PXT1: variants seen among roughly 807,000 people sequenced by gnomAD.
The protein encoded by PXT1 is peroxisomal testis enriched protein 1.
In PXT1, 11 loss-of-function variants were observed where a neutral mutation model predicts 11.0. The observed-to-expected ratio is 1.00, with a 90% CI of 0.63 to 1.66. The LOEUF (loss-of-function observed/expected upper bound fraction) is 1.66, where lower values mean the gene tolerates loss of function less well. Among genes scored for constraint, PXT1 ranks in the 40% most tolerant of loss-of-function variants. PXT1 has a pLI of 0.00. For synonymous variants in PXT1, 43 were observed against 51.4 expected (o/e 0.84, Z 0.70); for missense variants, 141 against 155.5 (o/e 0.91, Z 0.49).
chr6:36,400,337 C>A, intron 4 of PXT1, 117 bp downstream of exon 4: 1 of 1,235,748 alleles, frequency 8.1e-7, no homozygotes, highest in Non-Finnish European at 1.1e-6. Flanking sequence ...GTAATCCAGA[C>A]AGCATTATTC....
chr6:36,426,566 C>A (rs1774610973), intron 2 of PXT1, among the ~76,000 whole-genome samples: 1 of 152,018 alleles, frequency 6.6e-6, no homozygotes, highest in Non-Finnish European at 1.5e-5. Context: ...AACAGGGTTT[C>A]ACCATGTCGG....
At chr6:36,412,654 G>A (rs73408889) in intron 3 of PXT1, among the ~76,000 whole-genome samples, 41,248 of 111,532 alleles carry the variant, frequency 0.37, 5,932 homozygotes, top group East Asian at 0.46. Flanking sequence ...GCAAGACTCC[G>A]TCTCAAAAAA....
At chr6:36,428,216 C>T (rs1774635768) in intron 2 of PXT1, among the ~76,000 whole-genome samples, 1 of 152,116 alleles carries the variant, frequency 6.6e-6, no homozygotes, top group Admixed American at 6.6e-5. Flanking sequence ...GAGGCTGAGG[C>T]GGGCGGATCA....
chr6:36,442,429 T>C (rs1204814747), intron 1 of PXT1, 106 bp downstream of exon 1: 2 of 152,198 alleles, frequency 1.3e-5, no homozygotes, highest in East Asian at 1.9e-4. Flanking sequence ...GGACCATATA[T>C]AGATGTTTTT....
intron 3 of PXT1, among the ~76,000 whole-genome samples, chr6:36,417,926 G>T (rs556703703): frequency 6.6e-6 from 1 of 152,134 alleles, no homozygotes; most frequent in African/African-American, 2.4e-5. Context: ...GGCAGGGCGC[G>T]GTGGTCATGC....
chr6:36,403,365 G>A (rs1264438104), intron 3 of PXT1, among the ~76,000 whole-genome samples: 1 of 152,214 alleles, frequency 6.6e-6, no homozygotes, highest in East Asian at 1.9e-4. Flanking sequence ...GGATGTAATA[G>A]TGGAAACAGA....
At chr6:36,402,578 G>A (rs989714310) in intron 3 of PXT1, among the ~76,000 whole-genome samples, 1 of 152,210 alleles carries the variant, frequency 6.6e-6, no homozygotes, top group Non-Finnish European at 1.5e-5. Flanking sequence ...AGTCTTGAAG[G>A]ATAAAGGATG....
intron 4 of PXT1, among the ~76,000 whole-genome samples, chr6:36,392,686 G>A (rs919163416): frequency 2.6e-5 from 4 of 152,080 alleles, no homozygotes; most frequent in African/African-American, 9.7e-5. Context: ...AATTAATAAT[G>A]TCTAGGACTT....
chr6:36,407,602 T>G (rs1774309502), intron 3 of PXT1, among the ~76,000 whole-genome samples: 1 of 149,924 alleles, frequency 6.7e-6, no homozygotes, highest in Non-Finnish European at 1.5e-5. Flanking sequence ...TGAGATGGAG[T>G]CTCATGTTGC....
chr6:36,441,117 A>C (rs1345087344), intron 1 of PXT1, among the ~76,000 whole-genome samples: 4 of 151,926 alleles, frequency 2.6e-5, no homozygotes, highest in Non-Finnish European at 5.9e-5. Context: ...AAAAGAAAAA[A>C]AAAAAAAAAA....
chr6:36,438,712 G>T (rs988797533), intron 2 of PXT1, 55 bp downstream of exon 2: 1 of 152,250 alleles, frequency 6.6e-6, no homozygotes, highest in African/African-American at 2.4e-5. Context: ...ATGAGCCACT[G>T]CGCCCGGCAG....
intron 4 of PXT1, among the ~76,000 whole-genome samples, chr6:36,394,887 G>A (rs778018780): frequency 1.3e-4 from 19 of 151,870 alleles, no homozygotes; most frequent in Non-Finnish European, 2.4e-4. Flanking sequence ...CTACGGCCTC[G>A]AATTCCTGGG....
chr6:36,430,854 G>A (rs1774682280), intron 2 of PXT1, among the ~76,000 whole-genome samples: 1 of 151,916 alleles, frequency 6.6e-6, no homozygotes, highest in Non-Finnish European at 1.5e-5. Context: ...GAGTGCAGTG[G>A]CCCAAGCTGG....
At position 36,417,544 on chromosome 6, in the gene PXT1, C is replaced by T. The variant is rs139263791; in HGVS notation, c.169+8370G>A. 1.9e-3 allele frequency among the ~76,000 whole-genome samples: 265 copies of T among 142,082 alleles called. 2 individuals carry two copies. Among genetic ancestry groups the T allele is most frequent in the African/African-American group, 6.8e-3 (261 of 38,236 alleles). The allele number at this position is 142,082 out of a possible 152,430, so 93.2% of individuals were successfully genotyped here. A position where few individuals can be genotyped will look rare whatever the true frequency, so the allele number is the denominator to read the frequency against. On this transcript the variant is annotated intron_variant, in intron 3 of 4. Transcript: ENST00000454782. ...CAGTGGCAGGAGGATCGCTTGAGCC[C>T]AGGAGTTTCGGACTAGTCTGGGCAA...
At chr6:36,421,050 G>A (rs572802291) in intron 3 of PXT1, among the ~76,000 whole-genome samples, 3 of 143,564 alleles carry the variant, frequency 2.1e-5, no homozygotes, top group East Asian at 2.1e-4. Context: ...TAGAGACTCC[G>A]TCTCAAAAAA....
At chr6:36,436,111 GCC>G (rs1774758957) in intron 2 of PXT1, among the ~76,000 whole-genome samples, 1 of 27,904 alleles carries the variant, frequency 3.6e-5, no homozygotes. Context: ...AAAAAAGTAA[GCC>G]AAAAAAAAAA....
At chr6:36,406,459 T>C (rs1254969785) in intron 3 of PXT1, among the ~76,000 whole-genome samples, 1 of 152,022 alleles carries the variant, frequency 6.6e-6, no homozygotes, top group East Asian at 1.9e-4. Flanking sequence ...GAAGAAAATA[T>C]TGAAAGGACA....
In PXT1 at chr6:36,410,438, GA is replaced by G. The variant is rs1244503758; in HGVS notation, c.170-9855del. On this transcript the variant is annotated intron_variant, in intron 3 of 4. Coordinates refer to ENST00000454782, the MANE Select transcript of PXT1 (RefSeq NM_152990.4). ...GCTCGCCAGCCAGGGCAACAAGAGT[GA>G]AAAAAAAAAAGAAATGAAGGAAGGA... Among the ~76,000 whole-genome samples, 494 of 118,754 alleles carry G rather than the reference GA, an allele frequency of 4.2e-3. 2 individuals are homozygous for G. The highest frequency in any genetic ancestry group is 0.013 in the African/African-American group (432 of 32,362). 77.9% of individuals were successfully genotyped at this position (118,754 alleles called of 152,430 possible).
At chr6:36,417,348 A>ATAAT (rs1774463153) in intron 3 of PXT1, among the ~76,000 whole-genome samples, 2 of 152,046 alleles carry the variant, frequency 1.3e-5, no homozygotes, top group Admixed American at 1.3e-4. Context: ...CTCCGTCTCA[A>ATAAT]AATAATAATA....
Sources: allele counts gnomAD v4.1 joint callset (sites outside exome capture counted in the v4.1 genomes callset), GRCh38; gene constraint gnomAD v4.1.1; transcripts MANE v1.5; gene names NCBI Gene and HGNC (gene_info 2026-07-23, HGNC 2026-07-21).